Variants in DRC8 observed in about 807,000 individuals in gnomAD.
DRC8 encodes dynein regulatory complex subunit 8.
the DRC8 span, among the ~76,000 whole-genome samples, chr1:245,100,197 C>G: frequency 2.0e-5 from 3 of 151,964 alleles, no homozygotes; most frequent in Non-Finnish European, 2.9e-5. Context: ...CCAGCCTGAC[C>G]AATATGGTGA....
the DRC8 span, among the ~76,000 whole-genome samples, chr1:244,991,111 AT>A: frequency 6.6e-6 from 1 of 152,226 alleles, no homozygotes; most frequent in Non-Finnish European, 1.5e-5. Flanking sequence ...GTGGCTACAA[AT>A]TGGGGGTTTC....
the DRC8 span, among the ~76,000 whole-genome samples, chr1:245,001,221 A>T: frequency 9.3e-4 from 141 of 152,354 alleles, no homozygotes; most frequent in African/African-American, 3.3e-3. Context: ...ATTTTAGAAT[A>T]GAAAAATCTC....
the DRC8 span, among the ~76,000 whole-genome samples, chr1:245,053,397 C>T: frequency 1.1e-4 from 17 of 152,288 alleles, no homozygotes; most frequent in African/African-American, 2.4e-4. Context: ...GGACAGCATC[C>T]GTGTCGTCTG....
chr1:245,032,262 T>C, the DRC8 span, among the ~76,000 whole-genome samples: 1 of 152,160 alleles, frequency 6.6e-6, no homozygotes, highest in Admixed American at 6.6e-5. Flanking sequence ...TACTTTTATC[T>C]TTAAAGGGGT....
the DRC8 span, among the ~76,000 whole-genome samples, chr1:245,001,897 T>C: frequency 2.6e-5 from 4 of 152,236 alleles, no homozygotes; most frequent in Non-Finnish European, 5.9e-5. Flanking sequence ...TACTCAATGT[T>C]AGGTTTCAGT....
the DRC8 span, among the ~76,000 whole-genome samples, chr1:245,029,236 A>G: frequency 6.6e-6 from 1 of 152,250 alleles, no homozygotes; most frequent in African/African-American, 2.4e-5. Context: ...GGCTGTTTTA[A>G]TAAAGAAGGC....
At chr1:244,998,429 G>T in the DRC8 span, among the ~76,000 whole-genome samples, 2 of 152,000 alleles carry the variant, frequency 1.3e-5, no homozygotes, top group African/African-American at 4.8e-5. Context: ...GCCCGGGCTG[G>T]TCTTGAACTG....
chr1:245,001,629 T>C, the DRC8 span, among the ~76,000 whole-genome samples: 2 of 152,198 alleles, frequency 1.3e-5, no homozygotes, highest in Admixed American at 6.5e-5. Context: ...TCCTTGACTT[T>C]ACCCCGTAGA....
the DRC8 span, among the ~76,000 whole-genome samples, chr1:245,050,800 C>A: frequency 6.6e-6 from 1 of 152,114 alleles, no homozygotes; most frequent in Non-Finnish European, 1.5e-5. Context: ...TTCTCCTCTG[C>A]AAGTGCTCTT....
chr1:244,983,460 C>G, the DRC8 span, among the ~76,000 whole-genome samples: 1 of 152,040 alleles, frequency 6.6e-6, no homozygotes, highest in African/African-American at 2.4e-5. Context: ...AGTAATCGGG[C>G]CTGGCGTGGT....
the DRC8 span, among the ~76,000 whole-genome samples, chr1:245,008,602 T>TA: frequency 4.0e-5 from 6 of 151,490 alleles, no homozygotes; most frequent in African/African-American, 1.5e-4. Flanking sequence ...TCCCAACCAT[T>TA]AAAAAATCAA....
the DRC8 span, among the ~76,000 whole-genome samples, chr1:244,971,366 G>T: frequency 2.6e-4 from 39 of 152,378 alleles, 1 homozygote; most frequent in African/African-American, 7.9e-4. Flanking sequence ...GCGCTTCGAG[G>T]CTTAAGGTCG....
the DRC8 span, among the ~76,000 whole-genome samples, chr1:245,084,069 C>CCT: frequency 1.7e-5 from 2 of 119,876 alleles, no homozygotes; most frequent in Non-Finnish European, 3.7e-5. Context: ...TCCGCCCCCC[C>CCT]CCCGGCGCCC....
At chr1:245,069,968 C>G in the DRC8 span, among the ~76,000 whole-genome samples, 11 of 152,190 alleles carry the variant, frequency 7.2e-5, no homozygotes, top group East Asian at 2.1e-3. Context: ...TCACTTTTGC[C>G]CAGGAGTTCA....
the DRC8 span, among the ~76,000 whole-genome samples, chr1:245,105,287 C>T: frequency 1.2e-4 from 19 of 152,234 alleles, no homozygotes; most frequent in African/African-American, 4.3e-4. Flanking sequence ...TCTCCATCAA[C>T]CTGTCACCTA....
chr1:245,048,997 T>G, the DRC8 span, among the ~76,000 whole-genome samples: 1 of 98,640 alleles, frequency 1.0e-5, no homozygotes, highest in South Asian at 3.6e-4. Flanking sequence ...TTTTTTTTTT[T>G]TTTTTTGAGA....
the DRC8 span, among the ~76,000 whole-genome samples, chr1:245,092,563 T>C: frequency 6.6e-6 from 1 of 152,210 alleles, no homozygotes; most frequent in Non-Finnish European, 1.5e-5. Flanking sequence ...ATCATCTGCT[T>C]CAGGAGCATC....
the DRC8 span, among the ~76,000 whole-genome samples, chr1:244,986,682 T>A: frequency 6.7e-6 from 1 of 149,710 alleles, no homozygotes; most frequent in Non-Finnish European, 1.5e-5. Flanking sequence ...TGCAGTGAGC[T>A]ATGATCACAC....
At chr1:244,984,664 G>T in the DRC8 span, among the ~76,000 whole-genome samples, 3 of 151,978 alleles carry the variant, frequency 2.0e-5, no homozygotes, top group Non-Finnish European at 4.4e-5. Context: ...GAGAAACCCT[G>T]TCTCTACTAA....
Sources: allele counts gnomAD v4.1 joint callset (sites outside exome capture counted in the v4.1 genomes callset), GRCh38; gene constraint gnomAD v4.1.1; transcripts MANE v1.5; gene names NCBI Gene and HGNC (gene_info 2026-07-23, HGNC 2026-07-21).